WDR72: variants seen among roughly 807,000 people sequenced by gnomAD.
WDR72 encodes the protein WD repeat domain 72.
In WDR72, 120 loss-of-function variants were observed where a neutral mutation model predicts 124.2. The observed-to-expected ratio is 0.97, with a 90% CI of 0.83 to 1.12. WDR72 has a LOEUF of 1.12. WDR72 is among the 50% of genes most tolerant of loss of function. The pLI, the probability that WDR72 is intolerant of heterozygous loss-of-function variation, is 0.00. For missense variants in WDR72, 1,387 were observed against 1,278.8 expected, an observed-to-expected ratio of 1.08 and a Z score of -1.29; for synonymous variants, 452 against 441.7, an observed-to-expected ratio of 1.02 and a Z score of -0.29.
At chr15:53,671,428 C>T (rs980956636) in intron 13 of WDR72, among the ~76,000 whole-genome samples, 1 of 152,148 alleles carries the variant, frequency 6.6e-6, no homozygotes, top group African/African-American at 2.4e-5. Flanking sequence ...TAATTGGTGT[C>T]CTTTATTTGC....
chr15:53,665,116 G>A (rs543307660), intron 14 of WDR72, among the ~76,000 whole-genome samples: 2 of 152,180 alleles, frequency 1.3e-5, no homozygotes, highest in East Asian at 3.9e-4. Flanking sequence ...ATTCACTGAG[G>A]CTTGGAATCC....
At chr15:53,755,355 T>C (rs941548691) in intron 1 of WDR72, among the ~76,000 whole-genome samples, 4 of 152,254 alleles carry the variant, frequency 2.6e-5, no homozygotes, top group Admixed American at 2.0e-4. Flanking sequence ...CATTCATTAT[T>C]TCCCTTAACT....
chr15:53,613,274 C>T (rs538495592), intron 16 of WDR72, among the ~76,000 whole-genome samples: 2 of 152,002 alleles, frequency 1.3e-5, no homozygotes, highest in Admixed American at 6.6e-5. Context: ...ATAAACTTTC[C>T]AATAAAACAC....
chr15:53,591,573 T>C (rs2012496060), intron 18 of WDR72, among the ~76,000 whole-genome samples: 1 of 151,988 alleles, frequency 6.6e-6, no homozygotes, highest in Non-Finnish European at 1.5e-5. Context: ...TATAAATGCT[T>C]GTACACGCTA....
chr15:53,538,997 A>G (rs1892920169), intron 18 of WDR72, among the ~76,000 whole-genome samples: 1 of 152,202 alleles, frequency 6.6e-6, no homozygotes, highest in East Asian at 1.9e-4. Context: ...AAATAGTGAT[A>G]GAAAAATAAG....
At chr15:53,619,277 T>TGTGC (rs2013894178) in intron 14 of WDR72, among the ~76,000 whole-genome samples, 1 of 151,552 alleles carries the variant, frequency 6.6e-6, no homozygotes, top group Non-Finnish European at 1.5e-5. Context: ...TGTGTGTGTG[T>TGTGC]GTGTGTGTGT....
chr15:53,619,070 T>G (rs567423699), intron 14 of WDR72, among the ~76,000 whole-genome samples: 73 of 152,152 alleles, frequency 4.8e-4, no homozygotes, highest in African/African-American at 1.7e-3. Flanking sequence ...GATCTTCTAT[T>G]TGGTTCTTCT....
intron 13 of WDR72, among the ~76,000 whole-genome samples, chr15:53,694,013 AC>A (rs2016925346): frequency 6.6e-6 from 1 of 152,154 alleles, no homozygotes; most frequent in Non-Finnish European, 1.5e-5. Context: ...CCTGATTTCT[AC>A]CTACTAATTG....
chr15:53,581,554 C>A (rs1451266840), intron 18 of WDR72, among the ~76,000 whole-genome samples: 1 of 151,998 alleles, frequency 6.6e-6, no homozygotes, highest in African/African-American at 2.4e-5. Flanking sequence ...AAGTTCTGTG[C>A]TTTACATAGG....
intron 9 of WDR72, among the ~76,000 whole-genome samples, chr15:53,707,173 A>G (rs1018530143): frequency 6.6e-6 from 1 of 152,240 alleles, no homozygotes. Flanking sequence ...CTTCCTAGTC[A>G]GAAAATACAT....
chr15:53,563,858 G>A (rs1420737663), intron 18 of WDR72, among the ~76,000 whole-genome samples: 1 of 151,694 alleles, frequency 6.6e-6, no homozygotes, highest in Non-Finnish European at 1.5e-5. Flanking sequence ...ATCATCCCTG[G>A]TCTGAAACAT....
At chr15:53,572,795 A>G (rs1436889238) in intron 18 of WDR72, among the ~76,000 whole-genome samples, 1 of 152,212 alleles carries the variant, frequency 6.6e-6, no homozygotes, top group Non-Finnish European at 1.5e-5. Flanking sequence ...GTTGTGCTCC[A>G]GTTACTGCCC....
chr15:53,748,923 G>C (rs1426196153), intron 1 of WDR72, among the ~76,000 whole-genome samples: 1 of 152,104 alleles, frequency 6.6e-6, no homozygotes, highest in Non-Finnish European at 1.5e-5. Flanking sequence ...CTACATGTCA[G>C]AGACTGTGCA....
chr15:53,528,081 G>A (rs1252071237), intron 18 of WDR72, among the ~76,000 whole-genome samples: 3 of 151,988 alleles, frequency 2.0e-5, no homozygotes, highest in African/African-American at 7.2e-5. Flanking sequence ...ATCAGAGGGA[G>A]GCATAATCTA....
chr15:53,638,885 C>G (rs887756511), intron 14 of WDR72, among the ~76,000 whole-genome samples: 3 of 151,984 alleles, frequency 2.0e-5, no homozygotes, highest in Non-Finnish European at 2.9e-5. Flanking sequence ...TACCTGTAAT[C>G]CCAGCTACTT....
intron 18 of WDR72, among the ~76,000 whole-genome samples, chr15:53,593,519 T>TG (rs2012612275): frequency 6.6e-6 from 1 of 152,004 alleles, no homozygotes; most frequent in South Asian, 2.1e-4. Context: ...TTAAGATAGC[T>TG]GGTTTGGCAA....
chr15:53,515,048 T>TAA lies in WDR72; in HGVS notation c.*2650_*2651insTT, dbSNP rs1891372487. 6.9e-6 allele frequency: 1 copy of TAA among 144,266 alleles called. No individual in the cohort carries two copies. The highest frequency in any genetic ancestry group is 1.5e-5 in the Non-Finnish European group (1 of 65,886). 8.9% of individuals were successfully genotyped at this position (144,266 alleles called of 1,614,324 possible). On this transcript the variant is annotated 3_prime_UTR_variant, in exon 20 of 20. Transcript: ENST00000360509. ...ATACACACATATATATGTGTATATA[T>TAA]ATGTGTGTATATATATACACACATA... is the stretch of plus-strand genomic sequence containing the variant.
chr15:53,732,930 A>C (rs920311165), intron 2 of WDR72, 67 bp downstream of exon 2: 14 of 1,585,236 alleles, frequency 8.8e-6, no homozygotes, highest in Non-Finnish European at 1.2e-5. Flanking sequence ...GTCATTGCAG[A>C]TAGAAAATGC....
intron 11 of WDR72, among the ~76,000 whole-genome samples, chr15:53,704,731 A>C (rs1595862396): frequency 8.0e-6 from 1 of 125,082 alleles, no homozygotes; most frequent in African/African-American, 2.9e-5. Flanking sequence ...ATGGGGTTTC[A>C]CCGTGTTAGC....
Sources: allele counts gnomAD v4.1 joint callset (sites outside exome capture counted in the v4.1 genomes callset), GRCh38; gene constraint gnomAD v4.1.1; transcripts MANE v1.5; gene names NCBI Gene and HGNC (gene_info 2026-07-23, HGNC 2026-07-21).